PI4K2B: variants seen among roughly 807,000 people sequenced by gnomAD.
PI4K2B encodes the protein phosphatidylinositol 4-kinase type 2-beta.
A neutral mutation model predicts 56.6 loss-of-function variants in PI4K2B; 46 were observed. The ratio of observed to expected loss-of-function variants is 0.81; its 90% CI spans 0.64 to 1.04. The LOEUF is 1.04. Ranked by LOEUF, PI4K2B falls within the 50% of genes least tolerant of loss-of-function variation. PI4K2B has a pLI of 0.00. For synonymous variants in PI4K2B, 211 were observed against 223.8 expected, an observed-to-expected ratio of 0.94 and a Z score of 0.51; for missense variants, 556 against 607.7, an observed-to-expected ratio of 0.91 and a Z score of 0.89.
chr4:25,271,239 C>T (rs932255359), intron 9 of PI4K2B, among the ~76,000 whole-genome samples: 3 of 152,102 alleles, frequency 2.0e-5, no homozygotes, highest in African/African-American at 4.8e-5. Flanking sequence ...GTAGATTCCA[C>T]AAGGAAAGGA....
intron 7 of PI4K2B, among the ~76,000 whole-genome samples, chr4:25,267,028 A>C (rs1226761394): frequency 1.3e-5 from 2 of 152,240 alleles, no homozygotes; most frequent in African/African-American, 4.8e-5. Context: ...GTAGCTTACA[A>C]GACAGAAGGT....
chr4:25,237,057 A>C (rs959812505), intron 1 of PI4K2B, among the ~76,000 whole-genome samples: 9 of 152,196 alleles, frequency 5.9e-5, no homozygotes, highest in African/African-American at 2.2e-4. Context: ...ACTCTTACTT[A>C]TATAAGCAAG....
intron 1 of PI4K2B, among the ~76,000 whole-genome samples, chr4:25,245,300 G>A (rs1328659580): frequency 1.3e-5 from 2 of 152,150 alleles, no homozygotes; most frequent in Non-Finnish European, 1.5e-5. Flanking sequence ...TTAGAAGCGG[G>A]ACTAACCTCG....
chr4:25,258,728 G>A (rs887849699), intron 4 of PI4K2B, among the ~76,000 whole-genome samples: 3 of 151,908 alleles, frequency 2.0e-5, no homozygotes, highest in Admixed American at 6.6e-5. Flanking sequence ...TTAGAAAAAC[G>A]GCATTCTTTT....
chr4:25,269,745 G>A (rs1240648074), intron 9 of PI4K2B, among the ~76,000 whole-genome samples: 14 of 150,894 alleles, frequency 9.3e-5, no homozygotes, highest in Admixed American at 9.2e-4. Context: ...ACAGAGTCTC[G>A]CTCTGTAGCC....
At chr4:25,268,373 A>T in intron 7 of PI4K2B, 70 bp from the exon 8 acceptor site, 1 of 1,308,950 alleles carries the variant, frequency 7.6e-7, no homozygotes. Flanking sequence ...TGTAGGAAAG[A>T]ACCGGGAAAA....
intron 1 of PI4K2B, among the ~76,000 whole-genome samples, chr4:25,247,620 A>G (rs1373624671): frequency 6.6e-6 from 1 of 152,216 alleles, no homozygotes; most frequent in Non-Finnish European, 1.5e-5. Context: ...ACTTAGAGAA[A>G]GTGGCATCCA....
intron 1 of PI4K2B, among the ~76,000 whole-genome samples, chr4:25,236,106 C>T (rs962829063): frequency 8.5e-5 from 13 of 152,098 alleles, no homozygotes; most frequent in African/African-American, 3.1e-4. Flanking sequence ...TTACCTGTAT[C>T]ACAGTTTACA....
intron 6 of PI4K2B, among the ~76,000 whole-genome samples, chr4:25,262,251 G>C (rs1716507089): frequency 6.6e-6 from 1 of 152,200 alleles, no homozygotes; most frequent in African/African-American, 2.4e-5. Context: ...TGAGGTGGGA[G>C]GATTGCTTGG....
intron 9 of PI4K2B, among the ~76,000 whole-genome samples, chr4:25,269,841 G>C (rs974686598): frequency 2.0e-5 from 3 of 151,180 alleles, no homozygotes; most frequent in African/African-American, 7.3e-5. Context: ...AGCCTCCCGA[G>C]TAGCTGGGAC....
intron 3 of PI4K2B, 72 bp from the exon 4 acceptor site, chr4:25,256,471 G>A: frequency 7.4e-7 from 1 of 1,359,844 alleles, no homozygotes; most frequent in South Asian, 1.3e-5. Context: ...ATTAGAGTGA[G>A]TTTCATGGTG....
At chr4:25,256,800 A>G in intron 4 of PI4K2B, 126 bp downstream of exon 4, 1 of 853,816 alleles carries the variant, frequency 1.2e-6, no homozygotes, top group South Asian at 1.7e-5. Context: ...CCAGGAGCTT[A>G]TAGTAAACAG....
At chr4:25,242,304 A>G (rs1715557850) in intron 1 of PI4K2B, among the ~76,000 whole-genome samples, 1 of 152,234 alleles carries the variant, frequency 6.6e-6, no homozygotes, top group Non-Finnish European at 1.5e-5. Context: ...GAGTGCCTGG[A>G]CTTGAGAAGT....
intron 9 of PI4K2B, among the ~76,000 whole-genome samples, chr4:25,275,166 T>G (rs1050129496): frequency 5.6e-4 from 86 of 152,354 alleles, no homozygotes; most frequent in African/African-American, 1.9e-3. Context: ...CAGGAAAATA[T>G]TAACTGTTAC....
At chr4:25,259,601 C>G (rs1328426495) in intron 5 of PI4K2B, among the ~76,000 whole-genome samples, 1 of 151,970 alleles carries the variant, frequency 6.6e-6, no homozygotes, top group Non-Finnish European at 1.5e-5. Flanking sequence ...ATGACGTAGA[C>G]CAGGGATGTC....
chr4:25,257,768 A>G (rs1161131882), intron 4 of PI4K2B, among the ~76,000 whole-genome samples: 2 of 152,224 alleles, frequency 1.3e-5, no homozygotes, highest in African/African-American at 4.8e-5. Context: ...GAAGTTTGAA[A>G]GTTTTTAAAA....
intron 1 of PI4K2B, among the ~76,000 whole-genome samples, chr4:25,239,031 C>A (rs918837046): frequency 2.6e-5 from 4 of 152,192 alleles, no homozygotes; most frequent in African/African-American, 9.7e-5. Context: ...TCCAAGTCCC[C>A]ACTAGATTAG....
chr4:25,248,988 C>T (rs1253118032), intron 1 of PI4K2B, among the ~76,000 whole-genome samples: 2 of 152,022 alleles, frequency 1.3e-5, no homozygotes, highest in African/African-American at 4.8e-5. Context: ...TCTCTGGGTA[C>T]TTGAGATTAG....
chr4:25,243,927 G>A (rs1000529130), intron 1 of PI4K2B, among the ~76,000 whole-genome samples: 5 of 152,044 alleles, frequency 3.3e-5, no homozygotes, highest in Non-Finnish European at 5.9e-5. Flanking sequence ...CCCTTTCTTC[G>A]GCTGTCATTC....
Sources: gnomAD v4.1 joint callset for allele counts (sites outside exome capture counted in the v4.1 genomes callset) on GRCh38, gnomAD v4.1.1 for gene constraint, MANE v1.5 for transcripts, NCBI Gene and HGNC (gene_info 2026-07-23, HGNC 2026-07-21) for gene names.